TENM3: variants seen among roughly 807,000 people sequenced by gnomAD.
The protein encoded by TENM3 is teneurin-3.
Under a neutral mutation model 255.1 loss-of-function variants are expected in TENM3, and 63 were observed. The ratio of observed to expected loss-of-function variants is 0.25; its 90% CI spans 0.20 to 0.30. The LOEUF (loss-of-function observed/expected upper bound fraction) is 0.30, where lower values mean the gene tolerates loss of function less well. TENM3 is among the 10% of genes least tolerant of loss of function. The pLI, the probability that TENM3 is intolerant of heterozygous loss-of-function variation, is 1.00. For missense variants in TENM3, 2,929 were observed against 3,461.1 expected, an observed-to-expected ratio of 0.85 and a Z score of 3.86; for synonymous variants, 1,306 against 1,322.3, an observed-to-expected ratio of 0.99 and a Z score of 0.27.
the TENM3 span, among the ~76,000 whole-genome samples, chr4:182,018,241 AAAG>A: frequency 1.3e-5 from 2 of 152,186 alleles, no homozygotes; most frequent in Non-Finnish European, 2.9e-5. Flanking sequence ...AAATTTCTAC[AAAG>A]AAGATCCTTC....
intron 3 of TENM3, among the ~76,000 whole-genome samples, chr4:182,464,386 A>T (rs1471219174): frequency 6.6e-6 from 1 of 152,154 alleles, no homozygotes; most frequent in Admixed American, 6.5e-5. Context: ...CCTCCCGAGT[A>T]GCTGGGATTA....
chr4:182,315,892 A>AT (rs1180666668), intron 1 of TENM3, among the ~76,000 whole-genome samples: 3 of 152,016 alleles, frequency 2.0e-5, no homozygotes, highest in East Asian at 1.9e-4. Context: ...TATTCAGTAT[A>AT]TTTTTTATCT....
intron 1 of TENM3, among the ~76,000 whole-genome samples, chr4:182,202,943 C>T (rs1045255476): frequency 2.6e-5 from 4 of 151,864 alleles, no homozygotes; most frequent in African/African-American, 4.8e-5. Context: ...AGGCCGGGTG[C>T]GGTGGCTCAA....
At chr4:181,772,753 G>C in the TENM3 span, among the ~76,000 whole-genome samples, 1 of 152,132 alleles carries the variant, frequency 6.6e-6, no homozygotes, top group Non-Finnish European at 1.5e-5. Context: ...TCATCAGCTG[G>C]TATACTACAG....
At chr4:182,785,518 G>A (rs1765571109) in intron 24 of TENM3, among the ~76,000 whole-genome samples, 1 of 151,414 alleles carries the variant, frequency 6.6e-6, no homozygotes, top group Non-Finnish European at 1.5e-5. Context: ...GACCAGCCAG[G>A]GCAACATGGG....
At chr4:182,597,128 T>A (rs6820921) in intron 3 of TENM3, among the ~76,000 whole-genome samples, 1 of 152,148 alleles carries the variant, frequency 6.6e-6, no homozygotes, top group South Asian at 2.1e-4. Flanking sequence ...AAGAGCCAGG[T>A]ACAGATCCTC....
At chr4:182,013,192 AC>A in the TENM3 span, among the ~76,000 whole-genome samples, 18,784 of 152,192 alleles carry the variant, frequency 0.12, 1,280 homozygotes, top group South Asian at 0.2. Flanking sequence ...TTTGGCTTAT[AC>A]CAGGCTGCTG....
the TENM3 span, among the ~76,000 whole-genome samples, chr4:181,615,441 T>C: frequency 6.6e-6 from 1 of 152,186 alleles, no homozygotes; most frequent in Non-Finnish European, 1.5e-5. Context: ...CTACCTTCAC[T>C]CACTAAAGTT....
chr4:182,137,666 T>A, the TENM3 span, among the ~76,000 whole-genome samples: 1 of 152,188 alleles, frequency 6.6e-6, no homozygotes. Flanking sequence ...TCTGTTATGG[T>A]ATTGTCTGCC....
At chr4:181,988,579 C>A in the TENM3 span, among the ~76,000 whole-genome samples, 1 of 152,056 alleles carries the variant, frequency 6.6e-6, no homozygotes, top group African/African-American at 2.4e-5. Context: ...TGAATGCAGA[C>A]TAGGTACCAG....
chr4:182,736,853 T>G lies in TENM3; in HGVS notation c.3013T>G (p.Ser1005Ala). The G allele has an allele frequency of 6.2e-7, 1 of 1,613,740 alleles. No individual in the cohort carries two copies. The highest frequency in any genetic ancestry group is 8.5e-7 in the Non-Finnish European group (1 of 1,179,750). The change falls in exon 17 of 28, where the codon TCC becomes GCC. Residue 1005 changes from serine (S) to alanine (A), a missense_variant. By Grantham distance (99) the Ser-to-Ala change is moderately conservative (BLOSUM62 1). Transcript: ENST00000511685. ...AATTCCAGGAACAGATTTGAAACTC[T>G]CCTACTTGAGTTCCAGAGCTGCAGG... is the stretch of plus-strand genomic sequence containing the variant. Reference protein sequence around the residue: ...TTIPGTDLKLSYLSSRAAGYK... With the variant: ...TTIPGTDLKLAYLSSRAAGYK...
chr4:182,705,116 T>C (rs777469112), intron 12 of TENM3, among the ~76,000 whole-genome samples: 2 of 152,232 alleles, frequency 1.3e-5, no homozygotes, highest in African/African-American at 2.4e-5. Flanking sequence ...GTGTGCACCT[T>C]GCACGCTGAT....
chr4:182,313,826 C>T (rs551363539), intron 1 of TENM3, among the ~76,000 whole-genome samples: 2 of 152,238 alleles, frequency 1.3e-5, no homozygotes, highest in South Asian at 4.1e-4. Context: ...CTCATTTTAG[C>T]CCATCACAGT....
chr4:182,167,673 G>C (rs1751810543), intron 1 of TENM3, among the ~76,000 whole-genome samples: 1 of 152,140 alleles, frequency 6.6e-6, no homozygotes, highest in African/African-American at 2.4e-5. Flanking sequence ...AGAAATTTGA[G>C]ACCAGCCTGG....
At chr4:182,129,784 C>A in the TENM3 span, among the ~76,000 whole-genome samples, 2 of 152,070 alleles carry the variant, frequency 1.3e-5, no homozygotes, top group Non-Finnish European at 2.9e-5. Context: ...GGTCAATGTT[C>A]AATTGCAGTG....
At chr4:182,036,680 C>G in the TENM3 span, among the ~76,000 whole-genome samples, 1 of 152,168 alleles carries the variant, frequency 6.6e-6, no homozygotes, top group Non-Finnish European at 1.5e-5. Context: ...CATGCAAAGA[C>G]CACTCGCACA....
intron 6 of TENM3, among the ~76,000 whole-genome samples, chr4:182,654,296 C>T (rs1753573635): frequency 6.6e-6 from 1 of 152,128 alleles, no homozygotes; most frequent in Admixed American, 6.6e-5. Flanking sequence ...CATTTAAATG[C>T]AAAGCACATT....
At chr4:181,882,962 C>G in the TENM3 span, among the ~76,000 whole-genome samples, 1 of 152,128 alleles carries the variant, frequency 6.6e-6, no homozygotes, top group African/African-American at 2.4e-5. Flanking sequence ...AAATTAACAG[C>G]AGCCCATCCT....
At chr4:181,849,949 T>TCTCTCTCTCACACACACA in the TENM3 span, among the ~76,000 whole-genome samples, 840 of 65,966 alleles carry the variant, frequency 0.013, 24 homozygotes, top group Non-Finnish European at 0.02. Flanking sequence ...TCTCTCTCTC[T>TCTCTCTCTCACACACACA]CACACACACA....
Sources: gnomAD v4.1 joint callset for allele counts (sites outside exome capture counted in the v4.1 genomes callset) on GRCh38, gnomAD v4.1.1 for gene constraint, MANE v1.5 for transcripts, NCBI Gene and HGNC (gene_info 2026-07-23, HGNC 2026-07-21) for gene names.